PTPRD: variants seen among roughly 807,000 people sequenced by gnomAD.
PTPRD encodes the protein protein tyrosine phosphatase receptor type D.
A neutral mutation model predicts 214.5 loss-of-function variants in PTPRD; 34 were observed. The observed-to-expected ratio is 0.16, with a 90% CI of 0.12 to 0.21. The LOEUF (loss-of-function observed/expected upper bound fraction) is 0.21. PTPRD is among the 10% of genes least tolerant of loss of function. The probability of loss-of-function intolerance (pLI) is 1.00; values close to 1 mark genes in which losing one functional copy is unlikely to be tolerated. For synonymous variants in PTPRD, 1,128 were observed against 845.7 expected (o/e 1.33, Z -5.79); for missense variants, 2,545 against 2,398.7 (o/e 1.06, Z -1.27).
At chr9:8,781,735 C>T (rs2095707833) in intron 11 of PTPRD, among the ~76,000 whole-genome samples, 1 of 152,128 alleles carries the variant, frequency 6.6e-6, no homozygotes. Flanking sequence ...GAAGGTCAGG[C>T]TGACAAGCAA....
intron 5 of PTPRD, among the ~76,000 whole-genome samples, chr9:9,775,979 A>AAAAAAG (rs1555038117): frequency 2.0e-5 from 3 of 148,534 alleles, no homozygotes; most frequent in Admixed American, 6.7e-5. Context: ...AAAAAAAAAA[A>AAAAAAG]GCAAATCCTT....
intron 7 of PTPRD, among the ~76,000 whole-genome samples, chr9:9,714,627 G>T (rs1203694106): frequency 6.6e-6 from 1 of 152,056 alleles, no homozygotes; most frequent in Non-Finnish European, 1.5e-5. Context: ...TCATCTAAAG[G>T]AAACAAATAA....
At chr9:9,724,746 C>G (rs2098045581) in intron 7 of PTPRD, among the ~76,000 whole-genome samples, 1 of 152,146 alleles carries the variant, frequency 6.6e-6, no homozygotes, top group Admixed American at 6.6e-5. Flanking sequence ...AATATCTTTA[C>G]AACTGCTCTT....
At chr9:10,550,874 A>G (rs1384720661) in intron 2 of PTPRD, among the ~76,000 whole-genome samples, 1 of 152,210 alleles carries the variant, frequency 6.6e-6, no homozygotes, top group Non-Finnish European at 1.5e-5. Flanking sequence ...GTTATTCCAC[A>G]CATCATTACA....
At chr9:10,531,844 A>C (rs1203064956) in intron 2 of PTPRD, among the ~76,000 whole-genome samples, 1 of 152,198 alleles carries the variant, frequency 6.6e-6, no homozygotes, top group African/African-American at 2.4e-5. Context: ...TTACATTTTC[A>C]AAGAAATGTA....
intron 11 of PTPRD, among the ~76,000 whole-genome samples, chr9:8,827,655 C>CT (rs915802373): frequency 2.0e-5 from 3 of 152,052 alleles, no homozygotes; most frequent in Non-Finnish European, 4.4e-5. Flanking sequence ...AACCAAATTC[C>CT]TTTTTTTCCC....
chr9:9,909,776 A>ATTT (rs966469980), intron 5 of PTPRD, among the ~76,000 whole-genome samples: 1 of 135,786 alleles, frequency 7.4e-6, no homozygotes, highest in African/African-American at 2.9e-5. Context: ...TGTGGATTGA[A>ATTT]TGTTTTTTTT....
rs1588120064 is a variant in PTPRD at position 8,340,962 on chromosome 9, A to G, written c.5126+128T>C. 5.4e-6 allele frequency: 5 copies of G among 924,254 alleles called. No homozygotes were observed. In the East Asian group the frequency reaches 1.3e-4, roughly 25 times the overall value. The allele number at this position is 924,254 out of a possible 1,614,324, so 57.3% of individuals were successfully genotyped here. On this transcript the variant is annotated intron_variant, in intron 41 of 45. Coordinates refer to ENST00000381196, the MANE Select transcript of PTPRD (RefSeq NM_002839.4). ...CAAAATAACAAAAAAACAAATACCA[A>G]GGGACTAAATGATGACCTATGCAGA...
intron 12 of PTPRD, among the ~76,000 whole-genome samples, chr9:8,664,889 T>C (rs1326181408): frequency 1.3e-5 from 2 of 152,214 alleles, no homozygotes; most frequent in East Asian, 1.9e-4. Context: ...GAATTAACCA[T>C]TCAACTTCTA....
chr9:8,579,836 C>T (rs1396570599), intron 14 of PTPRD, among the ~76,000 whole-genome samples: 1 of 152,096 alleles, frequency 6.6e-6, no homozygotes, highest in Non-Finnish European at 1.5e-5. Context: ...GGAAACGGAA[C>T]CAAAAGTGTT....
chr9:8,921,360 A>G lies in PTPRD; in HGVS notation c.-104+97337T>C, dbSNP rs138387042. On this transcript the variant is annotated intron_variant, in intron 11 of 45. Coordinates refer to ENST00000381196, the MANE Select transcript of PTPRD (RefSeq NM_002839.4). ...ACCTCACACACATGACTATCCAATG[A>G]TTATTGTGCATATCTGCTCATCAGA... is the stretch of plus-strand genomic sequence containing the variant. Among the ~76,000 whole-genome samples the G allele has an allele frequency of 8.4e-3, 1,286 of 152,232 alleles. 17 individuals are homozygous for G. The highest frequency in any genetic ancestry group is 0.03 in the African/African-American group (1,227 of 41,540).
Position 9,105,841 on chromosome 9 carries a change from C to T in PTPRD, c.-143+77463G>A, listed in dbSNP as rs988688498. On this transcript the variant is annotated intron_variant, in intron 10 of 45. Coordinates refer to ENST00000381196, the MANE Select transcript of PTPRD (RefSeq NM_002839.4). Reference sequence around the variant, plus strand: ...GTCTGAACTTTTATATTTCTGACTTCCTGCTATTTTAACTGTAAAGAAAAG... The same window carrying T: ...GTCTGAACTTTTATATTTCTGACTTTCTGCTATTTTAACTGTAAAGAAAAG... 2.0e-5 allele frequency among the ~76,000 whole-genome samples: 3 copies of T among 152,168 alleles called. No individual in the cohort carries two copies. In the South Asian group the frequency reaches 6.2e-4, roughly 32 times the overall value.
intron 3 of PTPRD, among the ~76,000 whole-genome samples, chr9:10,309,736 A>G (rs1469318601): frequency 2.0e-5 from 3 of 151,882 alleles, no homozygotes; most frequent in Non-Finnish European, 2.9e-5. Flanking sequence ...TTTATATTTT[A>G]TAAATATAGA....
chr9:9,884,433 C>A (rs183005837), intron 5 of PTPRD, among the ~76,000 whole-genome samples: 4 of 152,232 alleles, frequency 2.6e-5, no homozygotes, highest in Admixed American at 2.0e-4. Context: ...GAAAGCCCTT[C>A]CTCAATATTA....
chr9:8,581,910 C>A (rs1594471990), intron 14 of PTPRD, among the ~76,000 whole-genome samples: 1 of 25,494 alleles, frequency 3.9e-5, no homozygotes, highest in Non-Finnish European at 6.0e-5. Context: ...ATGACTCAAT[C>A]TCCAAAAAAA....
chr9:10,432,644 C>T (rs930580767), intron 2 of PTPRD, among the ~76,000 whole-genome samples: 1 of 151,892 alleles, frequency 6.6e-6, no homozygotes, highest in South Asian at 2.1e-4. Context: ...GTATTACAAC[C>T]TGATCATTGA....
intron 5 of PTPRD, among the ~76,000 whole-genome samples, chr9:9,861,011 G>T (rs921753812): frequency 6.6e-6 from 1 of 152,162 alleles, no homozygotes; most frequent in Non-Finnish European, 1.5e-5. Flanking sequence ...AGACATTATA[G>T]TTGGAAGCTT....
At chr9:10,185,743 T>A (rs993329116) in intron 3 of PTPRD, among the ~76,000 whole-genome samples, 3 of 150,422 alleles carry the variant, frequency 2.0e-5, no homozygotes, top group African/African-American at 7.5e-5. Flanking sequence ...AACCAGCGGT[T>A]TTTTTTTTCC....
At chr9:9,407,872 G>T (rs10759065) in intron 8 of PTPRD, among the ~76,000 whole-genome samples, 10,866 of 151,634 alleles carry the variant, frequency 0.072, 539 homozygotes, top group Non-Finnish European at 0.11. Context: ...TTCCTCTCAC[G>T]TAATTATCTT....
Sources: allele counts gnomAD v4.1 joint callset (sites outside exome capture counted in the v4.1 genomes callset), GRCh38; gene constraint gnomAD v4.1.1; transcripts MANE v1.5; gene names NCBI Gene and HGNC (gene_info 2026-07-23, HGNC 2026-07-21).